SNAP91: variants seen among roughly 807,000 people sequenced by gnomAD.
The protein encoded by SNAP91 is synaptosome associated protein 91, also known as clathrin coat assembly protein AP180.
Under a neutral mutation model 100.3 loss-of-function variants are expected in SNAP91, and 27 were observed. The observed-to-expected ratio is 0.27, with a 90% CI of 0.20 to 0.37. The LOEUF is 0.37. Ranked by LOEUF, SNAP91 falls within the 10% of genes least tolerant of loss-of-function variation. The pLI is 1.00. For missense variants in SNAP91, 986 were observed against 1,123.7 expected (o/e 0.88, Z 1.75); for synonymous variants, 404 against 398.6 (o/e 1.01, Z -0.16).
intron 26 of SNAP91, among the ~76,000 whole-genome samples, chr6:83,573,382 T>C (rs1208698671): frequency 2.6e-5 from 4 of 152,134 alleles, no homozygotes; most frequent in African/African-American, 7.2e-5. Flanking sequence ...CTGCCCAAGG[T>C]AATTTATAGA....
intron 16 of SNAP91, among the ~76,000 whole-genome samples, chr6:83,594,990 G>A (rs1444083272): frequency 6.6e-6 from 1 of 152,018 alleles, no homozygotes; most frequent in Non-Finnish European, 1.5e-5. Flanking sequence ...TTATAATCTA[G>A]TACAGGCAAA....
intron 20 of SNAP91, 48 bp from the exon 21 acceptor site, chr6:83,592,586 AG>A: frequency 6.8e-7 from 1 of 1,462,282 alleles, no homozygotes; most frequent in Non-Finnish European, 9.4e-7. Context: ...CCAAGGGAAA[AG>A]AAAACCATGA....
At chr6:83,556,540 G>C (rs755459231) in intron 28 of SNAP91, among the ~76,000 whole-genome samples, 8 of 152,136 alleles carry the variant, frequency 5.3e-5, no homozygotes, top group Non-Finnish European at 1.0e-4. Context: ...CTGATATTTG[G>C]CTTTCTTGAA....
At chr6:83,589,323 T>C (rs962518728) in intron 22 of SNAP91, among the ~76,000 whole-genome samples, 3 of 152,036 alleles carry the variant, frequency 2.0e-5, no homozygotes, top group South Asian at 2.1e-4. Flanking sequence ...GTGTTAAGTG[T>C]ACTGCCTCTT....
chr6:83,566,527 T>G (rs959438845), intron 26 of SNAP91, among the ~76,000 whole-genome samples: 1 of 152,138 alleles, frequency 6.6e-6, no homozygotes, highest in Non-Finnish European at 1.5e-5. Flanking sequence ...TTTATTAGCT[T>G]TAAAAGCAAA....
chr6:83,580,830 A>G (rs939382268), intron 23 of SNAP91, among the ~76,000 whole-genome samples: 2 of 152,240 alleles, frequency 1.3e-5, no homozygotes, highest in African/African-American at 2.4e-5. Flanking sequence ...ATGGAAAAAA[A>G]TCTGTATAAT....
chr6:83,691,701 C>A (rs940698157), intron 2 of SNAP91, among the ~76,000 whole-genome samples: 1 of 152,066 alleles, frequency 6.6e-6, no homozygotes, highest in Non-Finnish European at 1.5e-5. Context: ...ATATGTTTTT[C>A]TTTATTGCTT....
intron 22 of SNAP91, among the ~76,000 whole-genome samples, chr6:83,590,645 T>C (rs531390373): frequency 2.4e-3 from 371 of 152,246 alleles, no homozygotes; most frequent in African/African-American, 8.6e-3. Flanking sequence ...GAGTGATTCA[T>C]ATATTACGAA....
At chr6:83,566,726 A>T (rs1797134492) in intron 26 of SNAP91, among the ~76,000 whole-genome samples, 1 of 152,142 alleles carries the variant, frequency 6.6e-6, no homozygotes, top group Non-Finnish European at 1.5e-5. Flanking sequence ...GAAGCCCAAC[A>T]TAAATAATAA....
At chr6:83,671,801 T>A (rs1024720250) in intron 2 of SNAP91, among the ~76,000 whole-genome samples, 1 of 152,084 alleles carries the variant, frequency 6.6e-6, no homozygotes, top group Non-Finnish European at 1.5e-5. Context: ...CACCTACTTC[T>A]TTTCCCACTA....
chr6:83,649,705 C>G (rs1326249405), intron 7 of SNAP91, among the ~76,000 whole-genome samples: 1 of 151,424 alleles, frequency 6.6e-6, no homozygotes, highest in African/African-American at 2.4e-5. Flanking sequence ...CTTAGCCTCC[C>G]TAGTAGCTGG....
intron 8 of SNAP91, among the ~76,000 whole-genome samples, chr6:83,630,616 A>G (rs1323374069): frequency 6.6e-6 from 1 of 151,750 alleles, no homozygotes; most frequent in Non-Finnish European, 1.5e-5. Flanking sequence ...TAGGTTTTCT[A>G]GTTTATGTGT....
chr6:83,580,652 A>G, intron 23 of SNAP91, 53 bp from the exon 24 acceptor site: 2 of 1,493,952 alleles, frequency 1.3e-6, no homozygotes, highest in South Asian at 2.6e-5. Context: ...AAAAGATCAT[A>G]TGCGAAATTA....
chr6:83,662,203 A>G (rs2098555557), intron 4 of SNAP91, 144 bp downstream of exon 4: 1 of 319,754 alleles, frequency 3.1e-6, no homozygotes. Context: ...CTATAATTAA[A>G]TATTTTAAAG....
At chr6:83,616,916 A>C in intron 10 of SNAP91, 53 bp downstream of exon 10, 1 of 1,151,392 alleles carries the variant, frequency 8.7e-7, no homozygotes, top group Non-Finnish European at 1.2e-6. Context: ...TCATTCTTAG[A>C]AGAACGACTG....
chr6:83,647,325 A>C (rs148166967), intron 7 of SNAP91, among the ~76,000 whole-genome samples: 3 of 152,274 alleles, frequency 2.0e-5, no homozygotes, highest in Non-Finnish European at 4.4e-5. Flanking sequence ...GTTAGCTATT[A>C]AGTTTTTTGT....
At chr6:83,686,291 T>C (rs190154125) in intron 2 of SNAP91, 1 of 563,766 alleles carries the variant, frequency 1.8e-6, no homozygotes, top group African/African-American at 2.0e-5. Context: ...AGCACTATTT[T>C]GGTGACATGG....
At chr6:83,703,185 T>G (rs1270810082) in intron 2 of SNAP91, among the ~76,000 whole-genome samples, 1 of 151,404 alleles carries the variant, frequency 6.6e-6, no homozygotes, top group Non-Finnish European at 1.5e-5. Flanking sequence ...AAACTAATAG[T>G]TAAATGAAAA....
rs2128183035 is a variant in SNAP91 at position 83,590,109 on chromosome 6, T to C, written c.2014+1102A>G. On this transcript the variant is annotated intron_variant, in intron 22 of 29. Transcript: ENST00000369694. ...CCTTAGGACCAAAATTCAACCCTTG[T>C]GGTGACTGTGGAGGGGCCTCAGAAG... is the stretch of plus-strand genomic sequence containing the variant. Among the ~76,000 whole-genome samples, 2 of 152,236 alleles carry C rather than the reference T, an allele frequency of 1.3e-5. 1 individual carries two copies. The highest frequency in any genetic ancestry group is 1.3e-4 in the Admixed American group (2 of 15,302).
Sources: gnomAD v4.1 joint callset for allele counts (sites outside exome capture counted in the v4.1 genomes callset) on GRCh38, gnomAD v4.1.1 for gene constraint, MANE v1.5 for transcripts, NCBI Gene and HGNC (gene_info 2026-07-23, HGNC 2026-07-21) for gene names.